The following ZFPM1 variants were observed in gnomAD, a reference collection of about 807,000 sequenced individuals.
ZFPM1 encodes zinc finger protein ZFPM1.
ZFPM1 carries 28 observed loss-of-function variants against 46.3 expected under a neutral mutation model. That is an observed-to-expected ratio of 0.60 (90% CI 0.45 to 0.83). ZFPM1 has a LOEUF of 0.83. ZFPM1 is among the 40% of genes least tolerant of loss of function. The probability of loss-of-function intolerance (pLI) is 0.00; values close to 1 mark genes in which losing one functional copy is unlikely to be tolerated. For missense variants in ZFPM1, 1,878 were observed against 1,432.4 expected, an observed-to-expected ratio of 1.31 and a Z score of -5.02; for synonymous variants, 957 against 675.9, an observed-to-expected ratio of 1.42 and a Z score of -6.45.
At position 88,536,227 on chromosome 16, in the gene ZFPM1, A is replaced by C. The variant is rs1555529796; in HGVS notation, c.*1248A>C. ...TGTTCGGTTCCCCAGGCTGAAGTTCAGTGGCACGATCATAAGTCACTGCAG... is the reference window on the plus strand; with the variant it reads ...TGTTCGGTTCCCCAGGCTGAAGTTCCGTGGCACGATCATAAGTCACTGCAG... On this transcript the variant is annotated 3_prime_UTR_variant, in exon 10 of 10. Transcript: ENST00000319555. The C allele has an allele frequency of 6.6e-6, 1 of 152,178 alleles. No individual in the cohort carries two copies. The highest frequency in any genetic ancestry group is 1.5e-5 in the Non-Finnish European group (1 of 68,036). The allele number at this position is 152,178 out of a possible 1,614,324, so 9.4% of individuals were successfully genotyped here. A position where few individuals can be genotyped will look rare whatever the true frequency, so the allele number is the denominator to read the frequency against.
intron 4 of ZFPM1, among the ~76,000 whole-genome samples, chr16:88,519,923 A>C (rs1482271272): frequency 6.8e-6 from 1 of 146,104 alleles, no homozygotes; most frequent in African/African-American, 2.6e-5. Flanking sequence ...GGGTAGATGG[A>C]TAGATGGATG....
In ZFPM1 at chr16:88,489,042, C is replaced by G; in HGVS notation, c.157C>G (p.Pro53Ala). ...TTTCCTCTCTGCAGATGTTAACTCA[C>G]CCCCACCGCTGCCGCCCCCCACATC... ...PSPPSADVNS[P>A]PPLPPPTSPG... Residue 53 changes from proline (P) to alanine (A), a missense_variant, in exon 3 of 10, where the codon CCC becomes GCC. Physicochemically the swap from Pro to Ala is conservative, Grantham distance 27. Transcript: ENST00000319555. 6.2e-7 allele frequency: 1 copy of G among 1,612,610 alleles called. No individual in the cohort carries two copies. The highest frequency in any genetic ancestry group is 8.5e-7 in the Non-Finnish European group (1 of 1,179,490).
At chr16:88,476,846 G>A (rs1478830203) in intron 1 of ZFPM1, among the ~76,000 whole-genome samples, 2 of 152,222 alleles carry the variant, frequency 1.3e-5, no homozygotes, top group African/African-American at 4.8e-5. Context: ...GGAATTTGAG[G>A]GCCCGAGATG....
intron 5 of ZFPM1, 97 bp from the exon 6 acceptor site, chr16:88,527,935 G>C (rs1057069720): frequency 6.9e-5 from 87 of 1,257,192 alleles, no homozygotes; most frequent in Non-Finnish European, 9.0e-5. Context: ...GTGAACCCGG[G>C]TGGCCGCTCT....
intron 3 of ZFPM1, among the ~76,000 whole-genome samples, chr16:88,501,587 CA>C (rs1411237001): frequency 0.045 from 4,976 of 111,306 alleles, 764 homozygotes; most frequent in Admixed American, 0.071. Context: ...GGTGTGGGTG[CA>C]TGGGCTCTCC....
chr16:88,527,919 A>G, intron 5 of ZFPM1, 113 bp from the exon 6 acceptor site: 3 of 1,108,210 alleles, frequency 2.7e-6, no homozygotes, highest in Non-Finnish European at 3.7e-6. Flanking sequence ...CCAGCCAGCC[A>G]TGGCTGTGAA....
At chr16:88,521,083 T>TGGGAGGG in intron 4 of ZFPM1, among the ~76,000 whole-genome samples, 1 of 109,844 alleles carries the variant, frequency 9.1e-6, no homozygotes, top group Non-Finnish European at 2.1e-5. Flanking sequence ...GGATGGATGA[T>TGGGAGGG]TAGGTGGGTG....
At chr16:88,510,074 GGA>G (rs1258743114) in intron 3 of ZFPM1, among the ~76,000 whole-genome samples, 1 of 152,128 alleles carries the variant, frequency 6.6e-6, no homozygotes, top group Non-Finnish European at 1.5e-5. Flanking sequence ...TGGGCAGCTA[GGA>G]GAGAGAGAAT....
chr16:88,463,184 G>C (rs62048963), intron 1 of ZFPM1, among the ~76,000 whole-genome samples: 1 of 152,232 alleles, frequency 6.6e-6, no homozygotes, highest in African/African-American at 2.4e-5. Context: ...GCTCCTTCCC[G>C]AAGTGATGCA....
intron 2 of ZFPM1, among the ~76,000 whole-genome samples, 179 bp downstream of exon 2, chr16:88,486,222 G>T (rs1909216676): frequency 6.6e-6 from 1 of 152,200 alleles, no homozygotes; most frequent in Non-Finnish European, 1.5e-5. Context: ...GGGCTGGGGG[G>T]TCTCCAGGAA....
intron 1 of ZFPM1, among the ~76,000 whole-genome samples, chr16:88,482,418 G>C (rs184613751): frequency 1.3e-3 from 192 of 152,264 alleles, no homozygotes; most frequent in African/African-American, 4.0e-3. Flanking sequence ...TATCAGAGCC[G>C]TTTTAATTGT....
intron 1 of ZFPM1, among the ~76,000 whole-genome samples, chr16:88,462,134 G>C (rs1342266266): frequency 1.3e-5 from 2 of 152,166 alleles, no homozygotes; most frequent in Non-Finnish European, 2.9e-5. Context: ...CAGATAAGCA[G>C]GCCCCTCCCC....
Position 88,453,634 on chromosome 16 carries a change from G to A in ZFPM1, c.-5G>A. The A allele has an allele frequency of 8.7e-7, 1 of 1,150,718 alleles. No homozygotes were observed. Among genetic ancestry groups the A allele is most frequent in the Non-Finnish European group, 1.1e-6 (1 of 919,916 alleles). The allele number at this position is 1,150,718 out of a possible 1,614,324, so 71.3% of individuals were successfully genotyped here. A position where few individuals can be genotyped will look rare whatever the true frequency, so the allele number is the denominator to read the frequency against. ...GCCGCCGGGAGGGCGCGCGGCGCCG[G>A]AGACATGTCCAGGCGGAAACAGAGC... On this transcript the variant is annotated 5_prime_UTR_variant, in exon 1 of 10. Coordinates refer to ENST00000319555, the MANE Select transcript of ZFPM1 (RefSeq NM_153813.3).
Position 88,463,194 on chromosome 16 carries a change from A to G in ZFPM1, c.40+9516A>G, listed in dbSNP as rs374178209. 2.5e-3 allele frequency among the ~76,000 whole-genome samples: 377 copies of G among 152,354 alleles called. 3 individuals are homozygous for G. The highest frequency in any genetic ancestry group is 3.7e-3 in the Non-Finnish European group (253 of 68,036). Reference sequence around the variant, plus strand: ...TCGTGGCTCCTTCCCGAAGTGATGCATGAGGAAAGACCTGCTGGGTAGTCC... The same window carrying G: ...TCGTGGCTCCTTCCCGAAGTGATGCGTGAGGAAAGACCTGCTGGGTAGTCC... On this transcript the variant is annotated intron_variant, in intron 1 of 9. Coordinates refer to ENST00000319555, the MANE Select transcript of ZFPM1 (RefSeq NM_153813.3).
Position 88,533,618 on chromosome 16 carries a change from C to A in ZFPM1, c.1660C>A (p.Leu554Met). The change falls in exon 10 of 10, where the codon CTG (leucine) becomes ATG (methionine). Residue 554 changes from leucine to methionine, a missense_variant. By Grantham distance (15) the Leu-to-Met change is conservative. Transcript: ENST00000319555. ...GATGTCCGAGCTGGTGCACAGCCGG[C>A]TGCAGCAGGGCGCGGGCGCGGGCGC... Reference protein sequence around the residue: ...AKMSELVHSRLQQGAGAGAGG... With the variant: ...AKMSELVHSRMQQGAGAGAGG... 6.8e-7 allele frequency: 1 copy of A among 1,478,900 alleles called. No homozygotes were observed. The highest frequency in any genetic ancestry group is 9.0e-7 in the Non-Finnish European group (1 of 1,114,268). 91.6% of individuals were successfully genotyped at this position (1,478,900 alleles called of 1,614,324 possible). A position where few individuals can be genotyped will look rare whatever the true frequency, so the allele number is the denominator to read the frequency against.
chr16:88,479,998 G>T (rs902865349), intron 1 of ZFPM1, among the ~76,000 whole-genome samples: 1 of 151,488 alleles, frequency 6.6e-6, no homozygotes, highest in Non-Finnish European at 1.5e-5. Context: ...TCACATCTGC[G>T]CCCAGCGCCC....
At chr16:88,528,954 G>A (rs1053356640) in intron 6 of ZFPM1, among the ~76,000 whole-genome samples, 4 of 152,076 alleles carry the variant, frequency 2.6e-5, no homozygotes, top group African/African-American at 7.3e-5. Flanking sequence ...TGGCTCTCTC[G>A]GAAACTCTGA....
At chr16:88,484,485 T>C (rs1909108239) in intron 1 of ZFPM1, among the ~76,000 whole-genome samples, 1 of 152,156 alleles carries the variant, frequency 6.6e-6, no homozygotes, top group South Asian at 2.1e-4. Context: ...ACTTTTCTTA[T>C]TCATTATTCT....
intron 3 of ZFPM1, among the ~76,000 whole-genome samples, chr16:88,510,499 A>G (rs552415549): frequency 2.0e-5 from 3 of 152,270 alleles, no homozygotes; most frequent in Non-Finnish European, 4.4e-5. Flanking sequence ...GGTTCCTCGC[A>G]GATGCCTGGG....
Sources: allele counts gnomAD v4.1 joint callset (sites outside exome capture counted in the v4.1 genomes callset), GRCh38; gene constraint gnomAD v4.1.1; transcripts MANE v1.5; gene names NCBI Gene and HGNC (gene_info 2026-07-23, HGNC 2026-07-21).